Variants in ZNF592 observed in about 807,000 individuals in gnomAD.
The protein encoded by ZNF592 is spinocerebellar ataxia, autosomal recessive 5.
A neutral mutation model predicts 80.3 loss-of-function variants in ZNF592; 11 were observed. The ratio of observed to expected loss-of-function variants is 0.14; its 90% CI spans 0.09 to 0.23. The LOEUF (loss-of-function observed/expected upper bound fraction) is 0.23. Ranked by LOEUF, ZNF592 falls within the 10% of genes least tolerant of loss-of-function variation. ZNF592 has a pLI of 1.00. For missense variants in ZNF592, 1,420 were observed against 1,633.9 expected (o/e 0.87, Z 2.26); for synonymous variants, 646 against 640.3 (o/e 1.01, Z -0.13).
At chr15:84,781,582 A>G (rs1343188516) in intron 3 of ZNF592, among the ~76,000 whole-genome samples, 3 of 152,180 alleles carry the variant, frequency 2.0e-5, no homozygotes, top group Non-Finnish European at 2.9e-5. Flanking sequence ...TGAAGCTACC[A>G]TACTGCTTTC....
At chr15:84,785,220 G>T (rs1292262333) in intron 4 of ZNF592, among the ~76,000 whole-genome samples, 2 of 152,196 alleles carry the variant, frequency 1.3e-5, no homozygotes, top group Non-Finnish European at 2.9e-5. Flanking sequence ...TCTGGCAGGT[G>T]TCAGCACAGT....
chr15:84,777,348 A>G (rs1962284337), intron 2 of ZNF592, among the ~76,000 whole-genome samples: 1 of 151,376 alleles, frequency 6.6e-6, no homozygotes, highest in South Asian at 2.1e-4. Context: ...GTGGTGATGC[A>G]TGTCTGTAGT....
At chr15:84,768,889 C>T (rs989121023) in intron 2 of ZNF592, among the ~76,000 whole-genome samples, 1 of 152,208 alleles carries the variant, frequency 6.6e-6, no homozygotes. Flanking sequence ...CTGTGATTAT[C>T]TTGAACAATC....
intron 4 of ZNF592, among the ~76,000 whole-genome samples, chr15:84,785,527 T>C: frequency 6.6e-6 from 1 of 152,122 alleles, no homozygotes; most frequent in Non-Finnish European, 1.5e-5. Flanking sequence ...GCCCAGGCTG[T>C]TCTTGAACTC....
intron 1 of ZNF592, among the ~76,000 whole-genome samples, chr15:84,749,231 CAG>C (rs1898941300): frequency 6.6e-6 from 1 of 152,156 alleles, no homozygotes; most frequent in Non-Finnish European, 1.5e-5. Flanking sequence ...TTGGGGTCCT[CAG>C]GGGTGACCAG....
chr15:84,799,925 C>T lies in ZNF592; in HGVS notation c.3221C>T (p.Pro1074Leu). ...AGCCTTATGCATGGCATCAGAAACC[C>T]TGATTTGAGCCAGACGTCCAAAGTG... The part of the protein sequence containing the change: ...HISLMHGIRN[P>L]DLSQTSKVKP... The change falls in exon 10 of 11, where the codon CCT becomes CTT. Residue 1074 changes from proline to leucine, a missense_variant. Transcript: ENST00000560079. This position sits in a 1 kb window ranked among gnomAD's most constrained non-coding sequence, Gnocchi z 4.2. 1 of 1,614,242 alleles carries T rather than the reference C, an allele frequency of 6.2e-7. No individual in the cohort carries two copies. Among genetic ancestry groups the T allele is most frequent in the Non-Finnish European group, 8.5e-7 (1 of 1,180,044 alleles).
intron 1 of ZNF592, among the ~76,000 whole-genome samples, chr15:84,762,200 T>C (rs1009160136): frequency 1.3e-5 from 2 of 152,220 alleles, no homozygotes; most frequent in Non-Finnish European, 2.9e-5. Context: ...CTTACTCTTA[T>C]AGGGCTCATT....
intron 1 of ZNF592, among the ~76,000 whole-genome samples, chr15:84,755,674 T>C (rs777725688): frequency 2.0e-5 from 3 of 152,202 alleles, no homozygotes; most frequent in Non-Finnish European, 4.4e-5. Context: ...ACATATATCA[T>C]CTTTACAAAA....
intron 2 of ZNF592, among the ~76,000 whole-genome samples, chr15:84,770,799 T>A (rs1899676140): frequency 6.6e-6 from 1 of 152,186 alleles, no homozygotes; most frequent in Non-Finnish European, 1.5e-5. Context: ...CCCATGTTAC[T>A]CTTTTGCAGT....
Position 84,783,226 on chromosome 15 carries a change from A to C in ZNF592, c.551A>C (p.Glu184Ala). The C allele has an allele frequency of 1.2e-6, 2 of 1,614,166 alleles. No individual in the cohort carries two copies. Among genetic ancestry groups the C allele is most frequent in the Non-Finnish European group, 1.7e-6 (2 of 1,180,026 alleles). The change falls in exon 4 of 11, where the codon GAG becomes GCG. Residue 184 changes from glutamate (E) to alanine (A), a missense_variant. Around this residue, in one of 7 missense-constraint regions of ZNF592, gnomAD observed 373 missense variants for 355.5 expected, o/e 1.05. Transcript: ENST00000560079. This position sits in a 1 kb window ranked among gnomAD's most constrained non-coding sequence, Gnocchi z 5.0. ...GGGGCTGTGGGAGGCCCAGTCCTGG[A>C]GGCTCTGGCTAAGTTTCCGGTTCCA... Reference protein sequence around the residue: ...GCGAVGGPVLEALAKFPVPEL... With the variant: ...GCGAVGGPVLAALAKFPVPEL...
In ZNF592 at chr15:84,799,218, C is replaced by T. The variant is rs1391028471; in HGVS notation, c.3137+8C>T. ...GAAGTTCTACACCTGCGGGTGAGTC[C>T]CTGGGGATAGTAGTGAGGAGGCCTG... On this transcript the variant is annotated splice_region_variant and intron_variant, in intron 9 of 10. Coordinates refer to ENST00000560079, the MANE Select transcript of ZNF592 (RefSeq NM_014630.3). This position sits in a 1 kb window ranked among gnomAD's most constrained non-coding sequence, Gnocchi z 4.2. The T allele has an allele frequency of 6.2e-7, 1 of 1,613,618 alleles. No individual in the cohort carries two copies. Among genetic ancestry groups the T allele is most frequent in the South Asian group, 1.1e-5 (1 of 91,080 alleles).
intron 2 of ZNF592, among the ~76,000 whole-genome samples, chr15:84,770,374 C>G (rs562678570): frequency 1.3e-5 from 2 of 152,198 alleles, no homozygotes; most frequent in Admixed American, 1.3e-4. Flanking sequence ...CTGAAATGTT[C>G]AGTAAACTAC....
At position 84,772,963 on chromosome 15, in the gene ZNF592, A is replaced by G. The variant is rs1962126983; in HGVS notation, c.-149-5220A>G. On this transcript the variant is annotated intron_variant, in intron 2 of 10. Transcript: ENST00000560079. The stretch of plus-strand genomic sequence containing the variant: ...TACTGAACTTAGCATTGCTGAGGTA[A>G]CAGATGGCAAAGTTTAATGTTATTT... Among the ~76,000 whole-genome samples, 6 of 152,198 alleles carry G rather than the reference A, an allele frequency of 3.9e-5. No homozygotes were observed. In the South Asian group the frequency reaches 1.2e-3, roughly 31 times the overall value.
intron 4 of ZNF592, among the ~76,000 whole-genome samples, chr15:84,786,415 A>G (rs1962586361): frequency 6.6e-6 from 1 of 152,154 alleles, no homozygotes; most frequent in Non-Finnish European, 1.5e-5. Flanking sequence ...AGGAGGGGCA[A>G]GGGTGTTTTG....
In ZNF592 at chr15:84,805,622, A is replaced by T. The variant is rs1175708638; in HGVS notation, c.*3229A>T. On this transcript the variant is annotated 3_prime_UTR_variant, in exon 11 of 11. Transcript: ENST00000560079. ...TAACTTATGTAAACAGTCTGGTTTT[A>T]AAAAATTTGATAATTGTGGCCCAGT... 1.3e-5 allele frequency: 2 copies of T among 152,796 alleles called. No individual in the cohort carries two copies. The highest frequency in any genetic ancestry group is 1.9e-4 in the East Asian group (1 of 5,196). The allele number at this position is 152,796 out of a possible 1,614,324, so 9.5% of individuals were successfully genotyped here. A position where few individuals can be genotyped will look rare whatever the true frequency, so the allele number is the denominator to read the frequency against.
chr15:84,752,504 G>A (rs1444867400), intron 1 of ZNF592, among the ~76,000 whole-genome samples: 1 of 152,218 alleles, frequency 6.6e-6, no homozygotes, highest in Non-Finnish European at 1.5e-5. Context: ...ATAAGATTGA[G>A]CAAAGAACAT....
At position 84,805,512 on chromosome 15, in the gene ZNF592, A is replaced by C. The variant is rs1963215888; in HGVS notation, c.*3119A>C. The C allele has an allele frequency of 6.6e-6, 1 of 152,650 alleles. No homozygotes were observed. Among genetic ancestry groups the C allele is most frequent in the Admixed American group, 6.5e-5 (1 of 15,284 alleles). The allele number at this position is 152,650 out of a possible 1,614,324, so 9.5% of individuals were successfully genotyped here. ...CAGTCTAAGACTTGACAAATTACTT[A>C]GTATTTATTTTCCAACTGCTTTATC... On this transcript the variant is annotated 3_prime_UTR_variant, in exon 11 of 11. Coordinates refer to ENST00000560079, the MANE Select transcript of ZNF592 (RefSeq NM_014630.3).
At chr15:84,782,000 C>CTGTT (rs1192041224) in intron 3 of ZNF592, among the ~76,000 whole-genome samples, 1 of 152,256 alleles carries the variant, frequency 6.6e-6, no homozygotes, top group African/African-American at 2.4e-5. Flanking sequence ...GCAAGTCACC[C>CTGTT]TGTTCCTCAG....
rs574730064 is a variant in ZNF592, at chr15:84,772,514, C to T, written c.-149-5669C>T. The stretch of plus-strand genomic sequence containing the variant: ...GAAGTGAGCTATGATCACACCATTG[C>T]ACTCCAGCCTGGGCAACAGAGTGAG... On this transcript the variant is annotated intron_variant, in intron 2 of 10. Coordinates refer to ENST00000560079, the MANE Select transcript of ZNF592 (RefSeq NM_014630.3). Among the ~76,000 whole-genome samples the T allele has an allele frequency of 8.5e-5, 13 of 152,286 alleles. No individual in the cohort carries two copies. In the South Asian group the frequency reaches 2.7e-3, roughly 32 times the overall value.
Sources: gnomAD v4.1 joint callset for allele counts (sites outside exome capture counted in the v4.1 genomes callset) on GRCh38, gnomAD v4.1.1 for gene constraint, gnomAD v4.1.1 regional missense constraint, Gnocchi (gnomAD v3.1) non-coding constraint, MANE v1.5 for transcripts, NCBI Gene and HGNC (gene_info 2026-07-23, HGNC 2026-07-21) for gene names.